The following DNAH3 variants were observed in gnomAD, a reference collection of about 807,000 sequenced individuals.
DNAH3 encodes the protein axonemal beta dynein heavy chain 3.
A neutral mutation model predicts 432.5 loss-of-function variants in DNAH3; 332 were observed. The ratio of observed to expected loss-of-function variants is 0.77; its 90% CI spans 0.70 to 0.84. The LOEUF (loss-of-function observed/expected upper bound fraction) is 0.84, where lower values mean the gene tolerates loss of function less well. Among genes scored for constraint, DNAH3 ranks in the 40% least tolerant of loss-of-function variants. The pLI, the probability that DNAH3 is intolerant of heterozygous loss-of-function variation, is 0.00. For synonymous variants in DNAH3, 1,956 were observed against 1,900.2 expected (o/e 1.03, Z -0.76); for missense variants, 4,861 against 5,114.0 (o/e 0.95, Z 1.51).
Position 21,085,789 on chromosome 16 carries a change from C to CT in DNAH3, c.2877+1059dup, listed in dbSNP as rs964853796. On this transcript the variant is annotated intron_variant, in intron 19 of 61. Coordinates refer to ENST00000261383, the Ensembl canonical transcript of DNAH3. ...AGAATTTCCTCAGTCTTATACGTGG[C>CT]TTTTTTGTCCCCCCGTTACCCAGGC... 5.3e-5 allele frequency among the ~76,000 whole-genome samples: 8 copies of CT among 151,766 alleles called. No homozygotes were observed. In the South Asian group the frequency reaches 1.3e-3, roughly 24 times the overall value.
At chr16:20,994,876 T>C (rs1365812491) in intron 44 of DNAH3, among the ~76,000 whole-genome samples, 1 of 152,182 alleles carries the variant, frequency 6.6e-6, no homozygotes, top group African/African-American at 2.4e-5. Context: ...TTTATTATTA[T>C]TTTTTCCTAC....
At chr16:20,969,684 G>C in intron 52 of DNAH3, 108 bp downstream of exon 52, 1 of 1,256,390 alleles carries the variant, frequency 8.0e-7, no homozygotes, top group Non-Finnish European at 1.2e-6. Context: ...TCCAAACTCA[G>C]TGATCTTGCC....
exon 15 of DNAH3, chr16:21,106,655 G>C: frequency 1.3e-6 from 2 of 1,545,944 alleles, no homozygotes; most frequent in Non-Finnish European, 1.8e-6. Flanking sequence ...TCTGCGATGT[G>C]GCTGTACTGA....
At chr16:21,159,239 C>T in intron 1 of DNAH3, 2 of 1,227,676 alleles carry the variant, frequency 1.6e-6, no homozygotes, top group Admixed American at 1.7e-5. Context: ...TTCTTTACCC[C>T]CAAATTAATA....
At chr16:21,005,022 G>T (rs1167280234) in intron 41 of DNAH3, among the ~76,000 whole-genome samples, 1 of 152,036 alleles carries the variant, frequency 6.6e-6, no homozygotes, top group Non-Finnish European at 1.5e-5. Flanking sequence ...TATTTCAATA[G>T]ATTCACTGCT....
chr16:21,155,688 G>C (rs1018607841), intron 1 of DNAH3, among the ~76,000 whole-genome samples: 2 of 144,524 alleles, frequency 1.4e-5, no homozygotes, highest in African/African-American at 5.1e-5. Context: ...GGCTGTACTT[G>C]TACTTGTACT....
chr16:20,945,834 C>T (rs2084021504), intron 57 of DNAH3, among the ~76,000 whole-genome samples: 1 of 152,114 alleles, frequency 6.6e-6, no homozygotes, highest in Non-Finnish European at 1.5e-5. Flanking sequence ...ACTCTATAGA[C>T]TCGCCCCGAA....
At position 21,111,696 on chromosome 16, in the gene DNAH3, C is replaced by G. The variant is rs760695080; in HGVS notation, c.2029G>C (p.Glu677Gln). 4.3e-6 allele frequency: 7 copies of G among 1,613,888 alleles called. No homozygotes were observed. The African/African-American group carries it at 8.0e-5, about 18-fold the overall frequency. Reference sequence around the variant, plus strand: ...TGGTCTTTAAGATTTTGAGCTCGCTCACAGAGATCATGATTTAGGGCCGTA... The same window carrying G: ...TGGTCTTTAAGATTTTGAGCTCGCTGACAGAGATCATGATTTAGGGCCGTA... Residue 677 changes from glutamate to glutamine, a missense_variant, in exon 14 of 62, where the codon GAG becomes CAG. Physicochemically the swap from Glu to Gln is conservative, Grantham distance 29. Coordinates refer to ENST00000261383, the Ensembl canonical transcript of DNAH3.
chr16:20,967,492 C>CTTTTTT (rs756357963), intron 52 of DNAH3, among the ~76,000 whole-genome samples: 2 of 52,804 alleles, frequency 3.8e-5, no homozygotes, highest in Non-Finnish European at 6.5e-5. Flanking sequence ...CAGACTTCTG[C>CTTTTTT]TTTTTTTTTT....
chr16:21,131,264 T>G (rs2092551131), intron 7 of DNAH3, among the ~76,000 whole-genome samples: 1 of 151,866 alleles, frequency 6.6e-6, no homozygotes, highest in Admixed American at 6.6e-5. Flanking sequence ...AGTTTGAGGC[T>G]GCAGTGAACT....
intron 56 of DNAH3, 64 bp downstream of exon 56, chr16:20,952,369 G>C (rs950158977): frequency 2.0e-6 from 2 of 998,418 alleles, no homozygotes; most frequent in African/African-American, 3.2e-5. Flanking sequence ...AATGGGAGGA[G>C]AACAGCAGGA....
intron 32 of DNAH3, 55 bp downstream of exon 32, chr16:21,041,972 C>T: frequency 6.2e-7 from 1 of 1,604,242 alleles, no homozygotes. Context: ...CACACCCGGC[C>T]CAGAGGTTTC....
chr16:21,097,112 C>CT (rs969599639), intron 18 of DNAH3, among the ~76,000 whole-genome samples: 6 of 152,180 alleles, frequency 3.9e-5, no homozygotes, highest in Admixed American at 1.3e-4. Flanking sequence ...ATCTGCAAAT[C>CT]TAAGTCGTGA....
chr16:21,154,364 C>G (rs1474417232), intron 1 of DNAH3, among the ~76,000 whole-genome samples: 1 of 151,374 alleles, frequency 6.6e-6, no homozygotes, highest in African/African-American at 2.4e-5. Context: ...GAGATCACAC[C>G]ATTGCACTCC....
chr16:20,983,914 G>A (rs2152666417), intron 48 of DNAH3, among the ~76,000 whole-genome samples: 1 of 151,458 alleles, frequency 6.6e-6, no homozygotes, highest in South Asian at 2.1e-4. Context: ...GTAGTCCCAT[G>A]TACTCAGGAG....
chr16:21,036,197 G>A (rs549032101), intron 35 of DNAH3, among the ~76,000 whole-genome samples: 34 of 152,144 alleles, frequency 2.2e-4, no homozygotes, highest in African/African-American at 6.3e-4. Flanking sequence ...GTGGCGGCAC[G>A]CACCTGTAAT....
At chr16:20,975,539 G>C in intron 50 of DNAH3, 124 bp from the exon 51 acceptor site, 1 of 934,142 alleles carries the variant, frequency 1.1e-6, no homozygotes, top group Non-Finnish European at 1.6e-6. Context: ...TTTTGACATG[G>C]TCCTGGGTAC....
At chr16:21,058,470 G>A (rs1440301354) in intron 26 of DNAH3, among the ~76,000 whole-genome samples, 1 of 152,050 alleles carries the variant, frequency 6.6e-6, no homozygotes, top group Admixed American at 6.6e-5. Flanking sequence ...TATAATCAAG[G>A]TGATGTTCAG....
At chr16:20,948,434 G>A in intron 57 of DNAH3, 49 bp downstream of exon 57, 1 of 1,585,056 alleles carries the variant, frequency 6.3e-7, no homozygotes, top group Middle Eastern at 1.9e-4. Context: ...ATATAGAGAT[G>A]ACGGAGCCCT....
Sources: allele counts gnomAD v4.1 joint callset (sites outside exome capture counted in the v4.1 genomes callset), GRCh38; gene constraint gnomAD v4.1.1; transcripts MANE v1.5; gene names NCBI Gene and HGNC (gene_info 2026-07-23, HGNC 2026-07-21).